Variants in MUC4 observed in about 807,000 individuals in gnomAD.
The protein encoded by MUC4 is mucin 4, cell surface associated.
MUC4 carries 202 observed loss-of-function variants against 257.9 expected under a neutral mutation model. The observed-to-expected ratio is 0.78, with a 90% CI of 0.70 to 0.88. The LOEUF is 0.88. Among genes scored for constraint, MUC4 ranks in the 40% least tolerant of loss-of-function variants. The pLI is 0.00. For missense variants in MUC4, 5,976 were observed against 6,513.7 expected (o/e 0.92, Z 2.84); for synonymous variants, 2,351 against 2,757.1 (o/e 0.85, Z 4.62).
Position 195,747,057 on chromosome 3 carries a change from G to T in MUC4, c.*119C>A. On this transcript the variant is annotated 3_prime_UTR_variant, in exon 25 of 25. Coordinates refer to ENST00000463781, the MANE Select transcript of MUC4 (RefSeq NM_018406.7). ...TTGATTCCCAGTATTCATTCTCCTT[G>T]AAGAATCCTGACAGCCTTCAGTCAC... The T allele has an allele frequency of 7.4e-7, 1 of 1,349,556 alleles. No homozygotes were observed. 83.6% of individuals were successfully genotyped at this position (1,349,556 alleles called of 1,614,324 possible).
Position 195,788,645 on chromosome 3 carries a change from C to T in MUC4, c.2935G>A (p.Val979Ile). The T allele has an allele frequency of 1.2e-6, 2 of 1,609,384 alleles. No homozygotes were observed. The highest frequency in any genetic ancestry group is 1.7e-6 in the Non-Finnish European group (2 of 1,177,750). Residue 979 changes from valine (V) to isoleucine (I), a missense_variant, in exon 2 of 25, where the codon GTC (valine) becomes ATC (isoleucine). By Grantham distance (29) the Val-to-Ile change is conservative. Transcript: ENST00000463781. ...ALISNATPLP[V>I]TYASSASTGH... ...GTGGATGCCGAGGAAGCGTAGGTGACAGGAAGAGGGGTGGCGTTGCTGATG... is the reference window on the plus strand; with the variant it reads ...GTGGATGCCGAGGAAGCGTAGGTGATAGGAAGAGGGGTGGCGTTGCTGATG...
In MUC4 at chr3:195,779,533, G is replaced by C. The variant is rs538994118; in HGVS notation, c.12047C>G (p.Pro4016Arg). 56 of 1,241,262 alleles carry C rather than the reference G, an allele frequency of 4.5e-5. 7 individuals carry two copies. The African/African-American group carries it at 7.2e-4, about 16-fold the overall frequency. The allele number at this position is 1,241,262 out of a possible 1,614,324, so 76.9% of individuals were successfully genotyped here. A position where few individuals can be genotyped will look rare whatever the true frequency, so the allele number is the denominator to read the frequency against. Residue 4016 changes from proline (P) to arginine (R), a missense_variant, in exon 2 of 25, where the codon CCT becomes CGT. Pro to Arg is a moderately radical substitution (Grantham distance 103). This residue lies in a region of MUC4 where 293 missense variants were observed against 294.5 expected (regional missense o/e 1.00). Transcript: ENST00000463781. Reference sequence around the variant, plus strand: ...TGAGGAAGGGCTGGTGACAGGAAGAGGGGTGGCGTGACCTGTAGATACTGA... The same window carrying C: ...TGAGGAAGGGCTGGTGACAGGAAGACGGGTGGCGTGACCTGTAGATACTGA... The part of the protein sequence containing the change: ...TSSVSTGHAT[P>R]LPVTSPSSAS...
chr3:195,807,184 G>T (rs1041655842), intron 1 of MUC4, among the ~76,000 whole-genome samples: 1 of 152,134 alleles, frequency 6.6e-6, no homozygotes, highest in East Asian at 1.9e-4. Flanking sequence ...CCTCTATGAA[G>T]TAGGGCCAGG....
Position 195,785,277 on chromosome 3 carries a change from G to T in MUC4, c.6303C>A (p.Asp2101Glu). ...TGHATSLLVT[D>E]ASSVSTGHAT... The stretch of plus-strand genomic sequence containing the variant: ...CGTGACCTGTGGATACTGAGGAAGC[G>T]TCGGTGACAAGAAGAGAGGTGGCGT... The change falls in exon 2 of 25, where the codon GAC becomes GAA. Residue 2101 changes from aspartate (D) to glutamate (E), a missense_variant. Transcript: ENST00000463781. 6.9e-7 allele frequency: 1 copy of T among 1,459,194 alleles called. No homozygotes were observed. Among genetic ancestry groups the T allele is most frequent in the Non-Finnish European group, 9.3e-7 (1 of 1,078,462 alleles). 90.4% of individuals were successfully genotyped at this position (1,459,194 alleles called of 1,614,324 possible).
intron 1 of MUC4, among the ~76,000 whole-genome samples, chr3:195,795,717 G>A (rs982652297): frequency 2.0e-5 from 3 of 152,020 alleles, no homozygotes; most frequent in African/African-American, 7.2e-5. Flanking sequence ...AAAGAAAAAG[G>A]AAGCAGAATG....
At chr3:195,753,597 C>T (rs1258384233) in intron 19 of MUC4, 14 of 334,112 alleles carry the variant, frequency 4.2e-5, no homozygotes, top group Non-Finnish European at 6.5e-5. Flanking sequence ...ACTCTGGCCT[C>T]GGCTCTGAAG....
rs570009013 is a variant in MUC4 at position 195,762,784 on chromosome 3, C to T, written c.14344+71G>A. Reference sequence around the variant, plus strand: ...CACCGCCACGCGCCCGGCCCTGCACCGCAACGCGGCTTCCCGCCCACCTCG... The same window carrying T: ...CACCGCCACGCGCCCGGCCCTGCACTGCAACGCGGCTTCCCGCCCACCTCG... On this transcript the variant is annotated intron_variant, in intron 13 of 24. Coordinates refer to ENST00000463781, the MANE Select transcript of MUC4 (RefSeq NM_018406.7). 3.2e-4 allele frequency: 447 copies of T among 1,404,172 alleles called. 5 individuals carry two copies. In the African/African-American group the frequency reaches 5.8e-3, roughly 18 times the overall value. The allele number at this position is 1,404,172 out of a possible 1,614,324, so 87.0% of individuals were successfully genotyped here.
intron 1 of MUC4, among the ~76,000 whole-genome samples, chr3:195,805,318 C>T (rs1192064337): frequency 1.3e-5 from 2 of 152,160 alleles, no homozygotes; most frequent in Non-Finnish European, 2.9e-5. Context: ...TGGTGATCGC[C>T]ACAGAAGCTC....
chr3:195,772,205 AT>A (rs1723043033), intron 4 of MUC4, among the ~76,000 whole-genome samples: 1 of 74,162 alleles, frequency 1.3e-5, no homozygotes, highest in Non-Finnish European at 3.5e-5. Context: ...CCCTCCCTCC[AT>A]CGCTCAGTGG....
At chr3:195,801,823 C>T (rs1735359210) in intron 1 of MUC4, among the ~76,000 whole-genome samples, 1 of 152,072 alleles carries the variant, frequency 6.6e-6, no homozygotes, top group African/African-American at 2.4e-5. Flanking sequence ...CCCCCCTCCA[C>T]GTGCTCTCCC....
Position 195,774,856 on chromosome 3 carries a change from C to T in MUC4, c.12944-551G>A, listed in dbSNP as rs542508829. ...CTGAGGTTCCAGTGAGCTGAGATCG[C>T]GCCACTGCACTCCAGCCTGGGCAAC... is the stretch of plus-strand genomic sequence containing the variant. On this transcript the variant is annotated intron_variant, in intron 3 of 24. Coordinates refer to ENST00000463781, the MANE Select transcript of MUC4 (RefSeq NM_018406.7). Among the ~76,000 whole-genome samples the T allele has an allele frequency of 2.7e-3, 407 of 149,848 alleles. 1 individual carries two copies. Among genetic ancestry groups the T allele is most frequent in the Non-Finnish European group, 4.5e-3 (302 of 67,682 alleles).
Position 195,791,137 on chromosome 3 carries a change from A to G in MUC4, c.443T>C (p.Leu148Pro). ...TGTTGATGTCTCTTCTGTGTTTCCA[A>G]GAGTGGAGTCTGTGGAGGTTGTCAT... ...ITMTTSTDST[L>P]GNTEETSTAG... Residue 148 changes from leucine (L) to proline (P), a missense_variant, in exon 2 of 25, where the codon CTT (leucine) becomes CCT (proline). This residue lies in a region of MUC4 where 1,583 missense variants were observed against 1,257.4 expected (regional missense o/e 1.26). Coordinates refer to ENST00000463781, the MANE Select transcript of MUC4 (RefSeq NM_018406.7). 6.2e-7 allele frequency: 1 copy of G among 1,613,758 alleles called. No homozygotes were observed. Among genetic ancestry groups the G allele is most frequent in the Non-Finnish European group, 8.5e-7 (1 of 1,179,854 alleles).
chr3:195,775,014 T>G (rs1176013961), intron 3 of MUC4, among the ~76,000 whole-genome samples: 2 of 152,042 alleles, frequency 1.3e-5, no homozygotes, highest in Non-Finnish European at 2.9e-5. Flanking sequence ...CAGATAAACT[T>G]GAAGACTCCT....
rs145520860 is a variant in MUC4 at position 195,770,264 on chromosome 3, C to T, written c.13350G>A (p.Lys4450=). 1,178 of 1,613,904 alleles carry T rather than the reference C, an allele frequency of 7.3e-4. 2 individuals carry two copies. Among genetic ancestry groups the T allele is most frequent in the Non-Finnish European group, 6.5e-4 (766 of 1,179,934 alleles). Residue 4450 remains lysine, a synonymous_variant, in exon 6 of 25, where the codon AAG becomes AAA. Transcript: ENST00000463781. ...AGGCGTGGGCATTGACCCACGTGAC[C>T]TTTAGGGCCCACCTGGCCTTGTAGC... The part of the protein sequence containing the change: ...NGGYKARWAL[K]VTWVNAHAYP...
intron 10 of MUC4, 91 bp downstream of exon 10, chr3:195,764,906 A>G: frequency 1.3e-6 from 2 of 1,516,636 alleles, no homozygotes; most frequent in Non-Finnish European, 1.8e-6. Flanking sequence ...AGAGAGGGGA[A>G]GGGTCTGGGA....
intron 4 of MUC4, among the ~76,000 whole-genome samples, chr3:195,773,580 C>G (rs1723653087): frequency 7.0e-6 from 1 of 143,240 alleles, no homozygotes; most frequent in South Asian, 2.2e-4. Flanking sequence ...TGGACACCCT[C>G]TCGCCATCGC....
Position 195,781,869 on chromosome 3 carries a change from G to C in MUC4, c.9711C>G (p.Ser3237Arg). Reference sequence around the variant, plus strand: ...CATGACCGGTGGATGCTGAGGAAGGGCTAGTGACAGGAAGAGGCGTGGTGT... The same window carrying C: ...CATGACCGGTGGATGCTGAGGAAGGCCTAGTGACAGGAAGAGGCGTGGTGT... ...TGDTTPLPVT[S>R]PSSASTGHAT... The change falls in exon 2 of 25, where the codon AGC becomes AGG. Residue 3237 changes from serine to arginine, a missense_variant. This residue lies in a region of MUC4 where 28 missense variants were observed against 79.1 expected (regional missense o/e 0.35). Coordinates refer to ENST00000463781, the MANE Select transcript of MUC4 (RefSeq NM_018406.7). 1 of 921,036 alleles carries C rather than the reference G, an allele frequency of 1.1e-6. No homozygotes were observed. The highest frequency in any genetic ancestry group is 4.1e-4 in the Middle Eastern group (1 of 2,418). The allele number at this position is 921,036 out of a possible 1,614,324, so 57.1% of individuals were successfully genotyped here.
chr3:195,782,266 A>G lies in MUC4; in HGVS notation c.9314T>C (p.Leu3105Pro), dbSNP rs1272828207. 4 of 1,535,270 alleles carry G rather than the reference A, an allele frequency of 2.6e-6. No homozygotes were observed. The highest frequency in any genetic ancestry group is 3.5e-6 in the Non-Finnish European group (4 of 1,140,082). The change falls in exon 2 of 25, where the codon CTT becomes CCT. Residue 3105 changes from leucine (L) to proline (P), a missense_variant. Physicochemically the swap from Leu to Pro is moderately conservative, Grantham distance 98. This residue lies in a region of MUC4 where 128 missense variants were observed against 104.8 expected (regional missense o/e 1.22). Coordinates refer to ENST00000463781, the MANE Select transcript of MUC4 (RefSeq NM_018406.7). ...TGCTGAGGAAGGGCTAGTGACAGGA[A>G]GAGGCGTGGTGTCACCTGTGGATAC... The part of the protein sequence containing the change: ...SSVSTGDTTP[L>P]PVTSPSSAST...
intron 1 of MUC4, among the ~76,000 whole-genome samples, chr3:195,796,130 G>A (rs1734552898): frequency 6.6e-6 from 1 of 151,878 alleles, no homozygotes; most frequent in Non-Finnish European, 1.5e-5. Flanking sequence ...TGTTGCCCAG[G>A]CTGGAGTGCA....
Sources: allele counts gnomAD v4.1 joint callset (sites outside exome capture counted in the v4.1 genomes callset), GRCh38; gene constraint gnomAD v4.1.1; regional missense constraint gnomAD v4.1.1; transcripts MANE v1.5; gene names NCBI Gene and HGNC (gene_info 2026-07-23, HGNC 2026-07-21).